Variants in IGF1R observed in about 807,000 individuals in gnomAD.
The protein encoded by IGF1R is insulin like growth factor 1 receptor.
In IGF1R, 44 loss-of-function variants were observed where a neutral mutation model predicts 144.6. That is an observed-to-expected ratio of 0.30 (90% CI 0.24 to 0.39). The LOEUF (loss-of-function observed/expected upper bound fraction) is 0.39, where lower values mean the gene tolerates loss of function less well. Among genes scored for constraint, IGF1R ranks in the 10% least tolerant of loss-of-function variants. The probability of loss-of-function intolerance (pLI) is 1.00; values close to 1 mark genes in which losing one functional copy is unlikely to be tolerated. For synonymous variants in IGF1R, 795 were observed against 722.8 expected (o/e 1.10, Z -1.60); for missense variants, 1,355 against 1,833.7 (o/e 0.74, Z 4.77).
At chr15:98,825,025 C>T (rs1317823318) in intron 2 of IGF1R, among the ~76,000 whole-genome samples, 1 of 151,928 alleles carries the variant, frequency 6.6e-6, no homozygotes, top group Non-Finnish European at 1.5e-5. Flanking sequence ...TTAGTAGAAT[C>T]GGAGTTTCAC....
At chr15:98,845,937 A>G (rs190985223) in intron 2 of IGF1R, among the ~76,000 whole-genome samples, 7 of 152,318 alleles carry the variant, frequency 4.6e-5, no homozygotes, top group African/African-American at 1.7e-4. Flanking sequence ...AGCCTGATCA[A>G]GGCTCTGCAT....
At chr15:98,868,162 G>C (rs1488390539) in intron 2 of IGF1R, among the ~76,000 whole-genome samples, 1 of 151,914 alleles carries the variant, frequency 6.6e-6, no homozygotes, top group African/African-American at 2.4e-5. Flanking sequence ...ACTCCAGCTG[G>C]GGCAAAAGAA....
intron 15 of IGF1R, among the ~76,000 whole-genome samples, chr15:98,932,046 T>C (rs4966046): frequency 0.17 from 26,125 of 152,154 alleles, 2,626 homozygotes; most frequent in East Asian, 0.29. Flanking sequence ...TAGAGGTTGG[T>C]GTGTGTAGCT....
intron 2 of IGF1R, among the ~76,000 whole-genome samples, chr15:98,716,600 GCTTTTCTGT>G (rs2054123442): frequency 2.0e-5 from 3 of 152,150 alleles, no homozygotes; most frequent in African/African-American, 7.2e-5. Flanking sequence ...ACATAGCCTT[GCTTTTCTGT>G]CTTTGGAAAA....
intron 1 of IGF1R, among the ~76,000 whole-genome samples, chr15:98,686,174 G>A (rs2053323702): frequency 6.6e-6 from 1 of 152,138 alleles, no homozygotes; most frequent in African/African-American, 2.4e-5. Flanking sequence ...TGAGCATAAT[G>A]TCCTCAAGGT....
At chr15:98,654,799 G>A (rs1164470875) in intron 1 of IGF1R, among the ~76,000 whole-genome samples, 3 of 152,328 alleles carry the variant, frequency 2.0e-5, no homozygotes, top group African/African-American at 7.2e-5. Flanking sequence ...TACGGATATA[G>A]TTTCTTGATT....
At chr15:98,664,618 G>A (rs1197551200) in intron 1 of IGF1R, among the ~76,000 whole-genome samples, 2 of 151,094 alleles carry the variant, frequency 1.3e-5, no homozygotes, top group Non-Finnish European at 2.9e-5. Context: ...GTTGGAGGTT[G>A]GAGGTTGGAG....
chr15:98,656,744 ACTT>A, intron 1 of IGF1R, among the ~76,000 whole-genome samples: 1 of 146,612 alleles, frequency 6.8e-6, no homozygotes, highest in Non-Finnish European at 1.5e-5. Flanking sequence ...ATAGGTCTCT[ACTT>A]CAGTAAGAGT....
At chr15:98,649,733 G>T in intron 1 of IGF1R, 58 bp downstream of exon 1, 2 of 1,341,738 alleles carry the variant, frequency 1.5e-6, no homozygotes, top group Non-Finnish European at 1.1e-6. Flanking sequence ...GAGGGGCTGC[G>T]CCCTGTTTGC....
intron 2 of IGF1R, among the ~76,000 whole-genome samples, chr15:98,878,547 G>A (rs1211684915): frequency 6.6e-6 from 1 of 151,622 alleles, no homozygotes; most frequent in African/African-American, 2.4e-5. Context: ...GTGACAGGCA[G>A]TATTAAGTGA....
In IGF1R at chr15:98,778,037, A is replaced by G. The variant is rs538278262; in HGVS notation, c.640+69930A>G. On this transcript the variant is annotated intron_variant, in intron 2 of 20. Coordinates refer to ENST00000650285, the MANE Select transcript of IGF1R (RefSeq NM_000875.5). ...CTACTGCATGACAGAGTGTTCAGCAATGACAATGCAGAGCTTAATAAGAAC... is the reference window on the plus strand; with the variant it reads ...CTACTGCATGACAGAGTGTTCAGCAGTGACAATGCAGAGCTTAATAAGAAC... Among the ~76,000 whole-genome samples, 35 of 152,338 alleles carry G rather than the reference A, an allele frequency of 2.3e-4. 1 individual carries two copies. Among genetic ancestry groups the G allele is most frequent in the African/African-American group, 7.7e-4 (32 of 41,584 alleles).
chr15:98,770,590 A>T (rs945272179), intron 2 of IGF1R, among the ~76,000 whole-genome samples: 1 of 152,204 alleles, frequency 6.6e-6, no homozygotes, highest in African/African-American at 2.4e-5. Flanking sequence ...TACAAATATC[A>T]CACATCAATA....
chr15:98,928,046 A>G (rs2015790712), intron 13 of IGF1R, among the ~76,000 whole-genome samples: 1 of 152,196 alleles, frequency 6.6e-6, no homozygotes. Flanking sequence ...ACCTCACAGC[A>G]TCCTTCACTC....
intron 2 of IGF1R, among the ~76,000 whole-genome samples, chr15:98,784,221 C>T (rs1212333647): frequency 3.3e-5 from 5 of 151,922 alleles, no homozygotes; most frequent in African/African-American, 1.2e-4. Context: ...AGGCGTGAGC[C>T]ACCGTGCCCG....
intron 2 of IGF1R, among the ~76,000 whole-genome samples, chr15:98,856,298 A>G (rs1395333613): frequency 2.6e-5 from 4 of 152,232 alleles, no homozygotes; most frequent in Admixed American, 1.3e-4. Flanking sequence ...ATCAGGCTAT[A>G]TGACGGGCAT....
chr15:98,902,100 A>G (rs2014508675), intron 5 of IGF1R, among the ~76,000 whole-genome samples: 1 of 152,090 alleles, frequency 6.6e-6, no homozygotes, highest in African/African-American at 2.4e-5. Context: ...AAACTTTGCT[A>G]CACATTATGG....
chr15:98,675,826 C>CTTTT lies in IGF1R; in HGVS notation c.94+26167_94+26170dup, dbSNP rs869068918. Among the ~76,000 whole-genome samples the CTTTT allele has an allele frequency of 6.1e-3, 280 of 46,122 alleles. 6 individuals carry two copies. The highest frequency in any genetic ancestry group is 0.011 in the Admixed American group (37 of 3,470). 30.3% of individuals were successfully genotyped at this position (46,122 alleles called of 152,430 possible). On this transcript the variant is annotated intron_variant, in intron 1 of 20. Transcript: ENST00000650285. ...TTTTCTTTTTTTTCTTTCTTTCTTT[C>CTTTT]TTTTTTTTTTTTTTTTTTTGAGAGA...
intron 2 of IGF1R, among the ~76,000 whole-genome samples, chr15:98,819,529 C>A (rs188459134): frequency 6.6e-6 from 1 of 152,258 alleles, no homozygotes; most frequent in Non-Finnish European, 1.5e-5. Flanking sequence ...GACACTGAAT[C>A]TGCCAGTGCC....
intron 2 of IGF1R, among the ~76,000 whole-genome samples, chr15:98,842,538 T>G (rs1007199127): frequency 2.0e-5 from 3 of 152,230 alleles, no homozygotes; most frequent in African/African-American, 7.2e-5. Flanking sequence ...AAGGTTGATG[T>G]AATTGATGTG....
Sources: gnomAD v4.1 joint callset for allele counts (sites outside exome capture counted in the v4.1 genomes callset) on GRCh38, gnomAD v4.1.1 for gene constraint, MANE v1.5 for transcripts, NCBI Gene and HGNC (gene_info 2026-07-23, HGNC 2026-07-21) for gene names.